C2CD5: variants seen among roughly 807,000 people sequenced by gnomAD.
The protein encoded by C2CD5 is C2 domain-containing protein 5.
C2CD5 carries 109 observed loss-of-function variants against 130.3 expected under a neutral mutation model. The observed-to-expected ratio is 0.84, with a 90% CI of 0.72 to 0.98. The LOEUF (loss-of-function observed/expected upper bound fraction) is 0.98. Among genes scored for constraint, C2CD5 ranks in the 50% least tolerant of loss-of-function variants. The pLI is 0.00. For synonymous variants in C2CD5, 454 were observed against 429.2 expected (o/e 1.06, Z -0.71); for missense variants, 996 against 1,261.8 (o/e 0.79, Z 3.19).
intron 2 of C2CD5, among the ~76,000 whole-genome samples, chr12:22,539,543 A>G (rs1952145978): frequency 6.6e-6 from 1 of 152,192 alleles, no homozygotes; most frequent in African/African-American, 2.4e-5. Context: ...AGCTTTAGAC[A>G]TTTCTAGCAG....
intron 10 of C2CD5, among the ~76,000 whole-genome samples, chr12:22,505,256 T>C (rs1485262197): frequency 7.4e-6 from 1 of 134,684 alleles, no homozygotes; most frequent in African/African-American, 3.1e-5. Flanking sequence ...CTTTCTTTCT[T>C]TTTTTTTTTT....
At chr12:22,451,599 A>AT (rs1274339635) in intron 26 of C2CD5, among the ~76,000 whole-genome samples, 4 of 152,138 alleles carry the variant, frequency 2.6e-5, no homozygotes, top group Non-Finnish European at 4.4e-5. Context: ...TTTTCTACTT[A>AT]TAGCCTCATA....
chr12:22,496,311 T>C (rs1009959559), intron 10 of C2CD5, among the ~76,000 whole-genome samples: 1 of 152,102 alleles, frequency 6.6e-6, no homozygotes, highest in Admixed American at 6.6e-5. Context: ...TACAGTCTTA[T>C]AGGAATGTAT....
intron 10 of C2CD5, among the ~76,000 whole-genome samples, chr12:22,501,996 TCTAAA>T (rs1169219352): frequency 1.3e-5 from 2 of 152,118 alleles, no homozygotes; most frequent in South Asian, 2.1e-4. Context: ...ATTATTTCAT[TCTAAA>T]AAATATAATA....
At position 22,470,823 on chromosome 12, in the gene C2CD5, C is replaced by G; in HGVS notation, c.2446+1G>C. ...GAACTTCCTATTCAGTAAAGATTTA[C>G]CTCTTTGCAATGACTTTTCAACAGG... On this transcript the variant is annotated splice_donor_variant, in intron 21 of 26. Coordinates refer to ENST00000446597, the MANE Select transcript of C2CD5 (RefSeq NM_001286176.2). LOFTEE classifies it high-confidence loss of function. 1 of 1,589,490 alleles carries G rather than the reference C, an allele frequency of 6.3e-7. No homozygotes were observed. The highest frequency in any genetic ancestry group is 1.1e-5 in the South Asian group (1 of 90,260).
intron 4 of C2CD5, 21 bp from the exon 5 acceptor site, chr12:22,525,726 T>G (rs760766130): frequency 8.8e-7 from 1 of 1,135,010 alleles, no homozygotes; most frequent in Admixed American, 1.8e-5. Context: ...AAAAAGAAAA[T>G]CAAGTTTCTA....
At chr12:22,502,332 A>C (rs1050566426) in intron 10 of C2CD5, among the ~76,000 whole-genome samples, 1 of 152,102 alleles carries the variant, frequency 6.6e-6, no homozygotes, top group Non-Finnish European at 1.5e-5. Context: ...ATTCAAATCT[A>C]AATGTGCATT....
chr12:22,519,359 C>A, intron 7 of C2CD5: 1 of 712,508 alleles, frequency 1.4e-6, no homozygotes, highest in Non-Finnish European at 2.1e-6. Context: ...TTTTTTTAAT[C>A]CCTAGCATGC....
intron 9 of C2CD5, among the ~76,000 whole-genome samples, chr12:22,512,902 T>A (rs1949346725): frequency 6.6e-6 from 1 of 151,948 alleles, no homozygotes. Context: ...ATAAAAGTAA[T>A]CTCAGCAAAT....
chr12:22,470,279 C>T (rs1299611027), intron 21 of C2CD5, among the ~76,000 whole-genome samples: 1 of 152,028 alleles, frequency 6.6e-6, no homozygotes, highest in Non-Finnish European at 1.5e-5. Flanking sequence ...TTCATTTAGC[C>T]AGTAAATCAT....
intron 10 of C2CD5, among the ~76,000 whole-genome samples, chr12:22,500,628 C>T (rs1237703799): frequency 6.6e-6 from 1 of 152,152 alleles, no homozygotes; most frequent in African/African-American, 2.4e-5. Context: ...GGCAGGGGGA[C>T]TGGCAATCTT....
chr12:22,468,205 T>C (rs989481865), intron 22 of C2CD5, among the ~76,000 whole-genome samples: 1 of 151,856 alleles, frequency 6.6e-6, no homozygotes, highest in Non-Finnish European at 1.5e-5. Context: ...ACTTGCTGTA[T>C]AGTGAATTCA....
chr12:22,525,020 C>T (rs1950605126), intron 5 of C2CD5, among the ~76,000 whole-genome samples: 1 of 151,936 alleles, frequency 6.6e-6, no homozygotes, highest in Non-Finnish European at 1.5e-5. Flanking sequence ...TATTCAAAGC[C>T]CTTTGTAAAA....
At chr12:22,535,019 CAAT>C (rs139454309) in intron 3 of C2CD5, 4 of 307,958 alleles carry the variant, frequency 1.3e-5, no homozygotes, top group East Asian at 6.6e-5. Flanking sequence ...GAGAAAACTA[CAAT>C]AATAATAATA....
At chr12:22,457,816 T>C (rs1183980268) in intron 24 of C2CD5, among the ~76,000 whole-genome samples, 3 of 152,136 alleles carry the variant, frequency 2.0e-5, no homozygotes, top group Non-Finnish European at 4.4e-5. Context: ...CCCCATTTCA[T>C]GCATGAGGAA....
intron 22 of C2CD5, 139 bp downstream of exon 22, chr12:22,469,570 A>C (rs969354510): frequency 2.8e-5 from 14 of 493,482 alleles, no homozygotes; most frequent in Non-Finnish European, 4.4e-5. Flanking sequence ...TCTCCCCTTT[A>C]TGAATATGAA....
At chr12:22,532,435 A>T (rs1951379292) in intron 3 of C2CD5, among the ~76,000 whole-genome samples, 1 of 152,108 alleles carries the variant, frequency 6.6e-6, no homozygotes, top group Non-Finnish European at 1.5e-5. Context: ...ACTACTCTGG[A>T]AAGAATTCAT....
chr12:22,492,477 T>C (rs79596086), intron 11 of C2CD5, among the ~76,000 whole-genome samples: 3,153 of 152,242 alleles, frequency 0.021, 114 homozygotes, highest in African/African-American at 0.069. Context: ...CAAGTGATAC[T>C]GAGGTCCAAA....
rs376356615 is a variant in C2CD5, at chr12:22,487,762, T to C, written c.1358+2361A>G. ...AAAGACACATGCACACGTATGTTTA[T>C]TGCGGCACTATTCACAATAGCAAAC... On this transcript the variant is annotated intron_variant, in intron 12 of 26. Transcript: ENST00000446597. Among the ~76,000 whole-genome samples the C allele has an allele frequency of 5.7e-4, 87 of 152,186 alleles. 3 individuals carry two copies. The East Asian group carries it at 0.014, about 24-fold the overall frequency.
Sources: allele counts gnomAD v4.1 joint callset (sites outside exome capture counted in the v4.1 genomes callset), GRCh38; gene constraint gnomAD v4.1.1; transcripts MANE v1.5; gene names NCBI Gene and HGNC (gene_info 2026-07-23, HGNC 2026-07-21).